The following NBPF14 variants were observed in gnomAD, a reference collection of about 807,000 sequenced individuals.
NBPF14 encodes the protein NBPF family member NBPF14.
NBPF14 carries 104 observed loss-of-function variants against 91.2 expected under a neutral mutation model. The ratio of observed to expected loss-of-function variants is 1.14; its 90% CI spans 0.97 to 1.34. The LOEUF (loss-of-function observed/expected upper bound fraction) is 1.34, where lower values mean the gene tolerates loss of function less well. Ranked by LOEUF, NBPF14 falls within the 40% of genes most tolerant of loss-of-function variation. The pLI is 0.00. For synonymous variants in NBPF14, 294 were observed against 303.8 expected (o/e 0.97, Z 0.34); for missense variants, 908 against 783.0 (o/e 1.16, Z -1.91).
chr1:148,560,235 G>T (rs1180468441), intron 36 of NBPF14, among the ~76,000 whole-genome samples: 3 of 150,534 alleles, frequency 2.0e-5, no homozygotes, highest in African/African-American at 5.0e-5. Context: ...TGACATACTG[G>T]TAAGGGAGTC....
At position 148,574,472 on chromosome 1, in the gene NBPF14, C is replaced by CACAG. The variant is rs1386324473; in HGVS notation, c.2304-248_2304-247insCTGT. Among the ~76,000 whole-genome samples, 69 of 21,754 alleles carry CACAG rather than the reference C, an allele frequency of 3.2e-3. 1 individual carries two copies. The highest frequency in any genetic ancestry group is 6.6e-3 in the East Asian group (4 of 602). The allele number at this position is 21,754 out of a possible 152,430, so 14.3% of individuals were successfully genotyped here. On this transcript the variant is annotated intron_variant, in intron 18 of 70. Coordinates refer to ENST00000619423, the Ensembl canonical transcript of NBPF14. The stretch of plus-strand genomic sequence containing the variant: ...ACACACACACACACACACACACACA[C>CACAG]AGAGAGAGAGAGAGAGAACGAGCTC...
rs1657382162 is a variant in NBPF14 at position 148,559,764 on chromosome 1, C to T, written c.4729+29G>A. The T allele has an allele frequency of 5.3e-6, 7 of 1,311,414 alleles. No individual in the cohort carries two copies. In the East Asian group the frequency reaches 1.0e-4, roughly 19 times the overall value. The allele number at this position is 1,311,414 out of a possible 1,614,324, so 81.2% of individuals were successfully genotyped here. ...ACCCTAACCAGAAGACTCAGTGGAT[C>T]CTTATCACCTTCATAGAAAGGTACT... On this transcript the variant is annotated intron_variant, in intron 37 of 70. Coordinates refer to ENST00000619423, the Ensembl canonical transcript of NBPF14.
chr1:148,559,998 A>G, intron 36 of NBPF14, 33 bp from the exon 37 acceptor site: 1 of 937,186 alleles, frequency 1.1e-6, no homozygotes, highest in Non-Finnish European at 1.7e-6. Flanking sequence ...AGAATAAGCC[A>G]GGGGGAATCA....
chr1:148,587,117 C>A (rs1483922328), intron 8 of NBPF14, among the ~76,000 whole-genome samples, 184 bp downstream of exon 8: 4 of 148,498 alleles, frequency 2.7e-5, no homozygotes, highest in African/African-American at 9.8e-5. Flanking sequence ...CTCTGAGAAA[C>A]AACTGCAACC....
chr1:148,558,128 C>T lies in NBPF14; in HGVS notation c.4954+124G>A, dbSNP rs1410154120. The T allele has an allele frequency of 2.7e-3, 658 of 239,376 alleles. 81 individuals carry two copies. Among genetic ancestry groups the T allele is most frequent in the Non-Finnish European group, 3.9e-3 (559 of 143,262 alleles). 14.8% of individuals were successfully genotyped at this position (239,376 alleles called of 1,614,324 possible). A position where few individuals can be genotyped will look rare whatever the true frequency, so the allele number is the denominator to read the frequency against. ...CTACAGTTTCATTACAACCTATATGCGCCCATAGGTTCTGCCTGCGGCAAT... is the reference window on the plus strand; with the variant it reads ...CTACAGTTTCATTACAACCTATATGTGCCCATAGGTTCTGCCTGCGGCAAT... On this transcript the variant is annotated intron_variant, in intron 39 of 70. Transcript: ENST00000619423.
exon 21 of NBPF14, chr1:148,572,463 C>T: frequency 3.7e-6 from 2 of 534,528 alleles, no homozygotes; most frequent in South Asian, 3.7e-5. Flanking sequence ...AAGAGCCAAG[C>T]CAAGGTACTG....
chr1:148,560,018 C>G, intron 36 of NBPF14, 53 bp from the exon 37 acceptor site: 1 of 749,606 alleles, frequency 1.3e-6, no homozygotes, highest in Non-Finnish European at 2.4e-6. Flanking sequence ...AGAAACCACA[C>G]AGCCCCAGCT....
At chr1:148,580,226 CA>C (rs1305742533) in intron 12 of NBPF14, among the ~76,000 whole-genome samples, 320 of 138,558 alleles carry the variant, frequency 2.3e-3, no homozygotes, top group Non-Finnish European at 3.9e-3. Context: ...AATGGCTAAC[CA>C]GAATGAACAG....
chr1:148,533,892 C>A lies in NBPF14; in HGVS notation c.8692G>T (p.Gly2898Trp), dbSNP rs1400769327. 7.8e-5 allele frequency: 59 copies of A among 759,154 alleles called. No homozygotes were observed. In the East Asian group the frequency reaches 9.3e-4, roughly 12 times the overall value. The allele number at this position is 759,154 out of a possible 1,614,324, so 47.0% of individuals were successfully genotyped here. ...CATGGTGGGTTTTGATCTTCTTCCC[C>A]TTCTTTTCTTCCCCTTCTTCTTTCC... The change falls in exon 70 of 71, where the codon GGG (glycine) becomes TGG (tryptophan). Residue 2898 changes from glycine (G) to tryptophan (W), a missense_variant. This residue lies in a region of NBPF14 where 279 missense variants were observed against 107.7 expected (regional missense o/e 2.59). Coordinates refer to ENST00000619423, the Ensembl canonical transcript of NBPF14.
chr1:148,592,705 G>C, exon 4 of NBPF14: 1 of 1,587,426 alleles, frequency 6.3e-7, no homozygotes, highest in Admixed American at 1.7e-5. Flanking sequence ...CTCCCTTCCC[G>C]TAACTTCTCC....
chr1:148,559,694 A>T (rs1245005105), intron 37 of NBPF14, 99 bp downstream of exon 37: 11 of 697,778 alleles, frequency 1.6e-5, no homozygotes, highest in African/African-American at 1.1e-4. Flanking sequence ...CCCTGTGGCA[A>T]TGACATCTCT....
intron 16 of NBPF14, among the ~76,000 whole-genome samples, chr1:148,576,192 C>G (rs1230389090): frequency 9.2e-6 from 1 of 108,714 alleles, no homozygotes; most frequent in Non-Finnish European, 1.7e-5. Flanking sequence ...TGCCATACAG[C>G]CTTTGAGGTA....
exon 14 of NBPF14, chr1:148,577,987 G>T (rs1161566590): frequency 4.2e-5 from 26 of 623,620 alleles, no homozygotes; most frequent in Non-Finnish European, 6.2e-5. Flanking sequence ...ACTCACCTGG[G>T]ACCTGTTGCC....
chr1:148,557,622 C>G lies in NBPF14; in HGVS notation c.4955-80G>C. The G allele has an allele frequency of 5.2e-6, 3 of 575,502 alleles. 1 individual carries two copies. Among genetic ancestry groups the G allele is most frequent in the Admixed American group, 5.6e-5 (2 of 35,776 alleles). 35.6% of individuals were successfully genotyped at this position (575,502 alleles called of 1,614,324 possible). On this transcript the variant is annotated intron_variant, in intron 39 of 70. Transcript: ENST00000619423. ...AACAGTCCACTGTCTAATCCCCACA[C>G]AGGGATCTCAGGCTCCTCAGCATGA...
intron 70 of NBPF14, 87 bp downstream of exon 70, chr1:148,533,774 A>T: frequency 2.6e-6 from 2 of 763,148 alleles, no homozygotes; most frequent in Non-Finnish European, 2.4e-6. Flanking sequence ...TGTTGAAAAT[A>T]TGACATCAAA....
At position 148,566,585 on chromosome 1, in the gene NBPF14, G is replaced by T. The variant is rs1205563946; in HGVS notation, c.3543-270C>A. On this transcript the variant is annotated intron_variant, in intron 28 of 70. Transcript: ENST00000619423. Reference sequence around the variant, plus strand: ...GAGAACGAGCTCAGTGAATTGTCCAGGTGACACACTGATGAGGGAGTAACA... The same window carrying T: ...GAGAACGAGCTCAGTGAATTGTCCATGTGACACACTGATGAGGGAGTAACA... Among the ~76,000 whole-genome samples the T allele has an allele frequency of 1.4e-5, 2 of 142,210 alleles. 1 individual carries two copies. The highest frequency in any genetic ancestry group is 5.1e-5 in the African/African-American group (2 of 39,370). 93.3% of individuals were successfully genotyped at this position (142,210 alleles called of 152,430 possible). A position where few individuals can be genotyped will look rare whatever the true frequency, so the allele number is the denominator to read the frequency against.
exon 71 of NBPF14, chr1:148,531,861 T>TGA (rs1653835787): frequency 9.5e-6 from 1 of 105,128 alleles, no homozygotes; most frequent in Non-Finnish European, 2.0e-5. Flanking sequence ...AGACCTTCTC[T>TGA]GCCCGCAGAT....
chr1:148,560,280 C>G (rs1657589979), intron 36 of NBPF14, among the ~76,000 whole-genome samples: 4 of 143,928 alleles, frequency 2.8e-5, no homozygotes, highest in African/African-American at 1.1e-4. Flanking sequence ...TCATGACACA[C>G]AGCAAACTGT....
At chr1:148,589,717 A>AT (rs1459208827) in intron 6 of NBPF14, among the ~76,000 whole-genome samples, 2 of 132,884 alleles carry the variant, frequency 1.5e-5, no homozygotes, top group East Asian at 2.1e-4. Flanking sequence ...TGCTTTTTTA[A>AT]TTTTTTTCTT....
Sources: gnomAD v4.1 joint callset for allele counts (sites outside exome capture counted in the v4.1 genomes callset) on GRCh38, gnomAD v4.1.1 for gene constraint, gnomAD v4.1.1 regional missense constraint, MANE v1.5 for transcripts, NCBI Gene and HGNC (gene_info 2026-07-23, HGNC 2026-07-21) for gene names.